The following ARHGEF9 variants were observed in gnomAD, a reference collection of about 807,000 sequenced individuals.
ARHGEF9 encodes Cdc42 guanine nucleotide exchange factor 9.
ARHGEF9 carries 2 observed loss-of-function variants against 41.3 expected under a neutral mutation model. That is an observed-to-expected ratio of 0.05 (90% CI 0.02 to 0.15). The LOEUF is 0.15. Among genes scored for constraint, ARHGEF9 ranks in the 10% least tolerant of loss-of-function variants. The pLI is 1.00. For missense variants in ARHGEF9, 225 were observed against 424.7 expected, an observed-to-expected ratio of 0.53 and a Z score of 4.13; for synonymous variants, 160 against 154.4, an observed-to-expected ratio of 1.04 and a Z score of -0.27.
Position 63,637,244 on chromosome X carries a change from C to T in ARHGEF9, c.*784G>A. 3.4e-6 allele frequency: 1 copy of T among 297,628 alleles called. No homozygotes were observed. The highest frequency in any genetic ancestry group is 5.9e-6 in the Non-Finnish European group (1 of 170,377). 24.5% of individuals were successfully genotyped at this position (297,628 alleles called of 1,213,427 possible). A position where few individuals can be genotyped will look rare whatever the true frequency, so the allele number is the denominator to read the frequency against. ...AAAATGTTCCCTGAACAGAAGTCCA[C>T]TCCAGCATCATCATAGTCTGATACT... On this transcript the variant is annotated 3_prime_UTR_variant, in exon 10 of 10. Transcript: ENST00000671741.
intron 1 of ARHGEF9, among the ~76,000 whole-genome samples, chrX:63,764,224 A>G (rs781872719): frequency 8.9e-6 from 1 of 112,935 alleles, no homozygotes; most frequent in East Asian, 2.8e-4. Context: ...AAAAAGCTCA[A>G]CAATACTGAT....
rs781963567 is a variant in ARHGEF9 at position 63,645,677 on chromosome X, C to T, written c.1322-1629G>A. ...AAGTCTTTGCTATTGTGAATAGTGC[C>T]GCAATAAACATACGTGTGCATGTGT... On this transcript the variant is annotated intron_variant, in intron 8 of 9. Coordinates refer to ENST00000671741, the MANE Select transcript of ARHGEF9 (RefSeq NM_001353921.2). Among the ~76,000 whole-genome samples the T allele has an allele frequency of 2.3e-3, 256 of 111,520 alleles. 1 individual carries two copies. Among genetic ancestry groups the T allele is most frequent in the African/African-American group, 7.8e-3 (240 of 30,687 alleles).
At chrX:63,700,644 G>T (rs782379964) in intron 3 of ARHGEF9, among the ~76,000 whole-genome samples, 26 of 111,579 alleles carry the variant, frequency 2.3e-4, no homozygotes, top group Non-Finnish European at 3.8e-4. Context: ...TCTTTTCAGA[G>T]GAACACCAAG....
intron 1 of ARHGEF9, among the ~76,000 whole-genome samples, chrX:63,762,544 A>G (rs191222500): frequency 3.6e-5 from 4 of 111,226 alleles, no homozygotes; most frequent in Non-Finnish European, 7.5e-5. Flanking sequence ...AAAGAAGAGA[A>G]GAGTGCAGGA....
chrX:63,717,723 T>C (rs1602542717), intron 2 of ARHGEF9, among the ~76,000 whole-genome samples: 1 of 112,119 alleles, frequency 8.9e-6, no homozygotes, highest in Non-Finnish European at 1.9e-5. Flanking sequence ...TTATTGAGTG[T>C]TTCCTATGTG....
intron 1 of ARHGEF9, among the ~76,000 whole-genome samples, chrX:63,783,129 A>G (rs1348981309): frequency 3.6e-5 from 4 of 111,826 alleles, no homozygotes; most frequent in Admixed American, 1.9e-4. Context: ...CAAAACTTCA[A>G]ATTTCTTCAT....
intron 1 of ARHGEF9, among the ~76,000 whole-genome samples, chrX:63,749,040 T>A (rs1569502496): frequency 8.9e-6 from 1 of 112,320 alleles, no homozygotes; most frequent in African/African-American, 3.2e-5. Flanking sequence ...ACCTTGAAGA[T>A]CCCAAATAGT....
At chrX:63,644,728 ATATTGGAAGGAATCGCCTTC>A (rs2047882678) in intron 8 of ARHGEF9, among the ~76,000 whole-genome samples, 1 of 109,048 alleles carries the variant, frequency 9.2e-6, no homozygotes, top group Non-Finnish European at 1.9e-5. Flanking sequence ...CTAATCTGAA[ATATTGGAAGGAATCGCCTTC>A]TATTATTATT....
At position 63,636,719 on chromosome X, in the gene ARHGEF9, T is replaced by C. The variant is rs1446536406; in HGVS notation, c.*1309A>G. 2 of 290,645 alleles carry C rather than the reference T, an allele frequency of 6.9e-6. No homozygotes were observed. The highest frequency in any genetic ancestry group is 5.5e-5 in the African/African-American group (2 of 36,170). The allele number at this position is 290,645 out of a possible 1,213,427, so 24.0% of individuals were successfully genotyped here. On this transcript the variant is annotated 3_prime_UTR_variant, in exon 10 of 10. Coordinates refer to ENST00000671741, the MANE Select transcript of ARHGEF9 (RefSeq NM_001353921.2). ...AACAATGGGAGAAGTCTCACACAAT[T>C]TTAGGGTGGTAGAAAATGCAGGTAC...
intron 1 of ARHGEF9, among the ~76,000 whole-genome samples, chrX:63,751,475 C>A (rs1479650130): frequency 1.8e-5 from 2 of 111,958 alleles, no homozygotes; most frequent in Non-Finnish European, 3.8e-5. Context: ...CTTTAGGATT[C>A]ACACAAGTAA....
chrX:63,764,263 AT>A (rs1238867044), intron 1 of ARHGEF9, among the ~76,000 whole-genome samples: 1 of 112,768 alleles, frequency 8.9e-6, no homozygotes, highest in Non-Finnish European at 1.9e-5. Flanking sequence ...CAAAACCACA[AT>A]GACATACCAT....
At chrX:63,718,763 T>C (rs1169605959) in intron 2 of ARHGEF9, among the ~76,000 whole-genome samples, 1 of 112,127 alleles carries the variant, frequency 8.9e-6, no homozygotes, top group East Asian at 2.8e-4. Flanking sequence ...TAGTTCAAGC[T>C]TGGTTTACAG....
intron 1 of ARHGEF9, among the ~76,000 whole-genome samples, chrX:63,750,378 G>A (rs1428203183): frequency 1.3e-4 from 14 of 111,453 alleles, no homozygotes; most frequent in African/African-American, 4.3e-4. Flanking sequence ...ACCGGTGGGT[G>A]AGAGTCTCTG....
chrX:63,774,724 G>C (rs1197756478), intron 1 of ARHGEF9, among the ~76,000 whole-genome samples: 12 of 111,596 alleles, frequency 1.1e-4, no homozygotes, highest in African/African-American at 3.6e-4. Context: ...AAAAACCCTA[G>C]AAGATAACAT....
Position 63,636,431 on chromosome X carries a change from G to T in ARHGEF9, c.*1597C>A, listed in dbSNP as rs2147107483. ...TGTGAAAGAAGTTAGATTTTCCCAA[G>T]CAAAAAGCTGGCCAAAAGCGAGCCT... On this transcript the variant is annotated 3_prime_UTR_variant, in exon 10 of 10. Transcript: ENST00000671741. The T allele has an allele frequency of 1.8e-5, 2 of 114,082 alleles. No individual in the cohort carries two copies. Among genetic ancestry groups the T allele is most frequent in the South Asian group, 7.5e-4 (2 of 2,673 alleles). The allele number at this position is 114,082 out of a possible 1,213,427, so 9.4% of individuals were successfully genotyped here. A position where few individuals can be genotyped will look rare whatever the true frequency, so the allele number is the denominator to read the frequency against.
chrX:63,760,976 T>A (rs781854449), intron 1 of ARHGEF9, among the ~76,000 whole-genome samples: 4 of 111,522 alleles, frequency 3.6e-5, no homozygotes, highest in Non-Finnish European at 7.5e-5. Flanking sequence ...ATTATCATAA[T>A]CTATTGAACT....
rs782765210 is a variant in ARHGEF9, at chrX:63,706,389, G to T, written c.271C>A (p.Leu91Met). 1 of 1,207,302 alleles carries T rather than the reference G, an allele frequency of 8.3e-7. No homozygotes were observed. Among genetic ancestry groups the T allele is most frequent in the Non-Finnish European group, 1.1e-6 (1 of 893,557 alleles). ...EGPSDVQNGH[L>M]DPNSDCLCLG... is the part of the protein sequence containing the mutation. ...CAGAGGCAGTCTGAATTGGGGTCCA[G>T]GTGTCCGTTCTGCACATCGCTGGGC... Residue 91 changes from leucine (L) to methionine (M), a missense_variant, in exon 3 of 10, where the codon CTG (leucine) becomes ATG (methionine). Physicochemically the swap from Leu to Met is conservative, Grantham distance 15. Transcript: ENST00000671741.
rs143251832 is a variant in ARHGEF9, at chrX:63,661,062, G to A, written c.1077+4824C>T. Among the ~76,000 whole-genome samples the A allele has an allele frequency of 8.0e-5, 9 of 112,008 alleles. No homozygotes were observed. In the East Asian group the frequency reaches 2.0e-3, roughly 24 times the overall value. On this transcript the variant is annotated intron_variant, in intron 7 of 9. Transcript: ENST00000671741. ...AAATAAGGACAAAGTTAAAGAACTG[G>A]CCAATGGTTAGAAAAGTTAGTTAAG...
chrX:63,724,753 C>A, intron 1 of ARHGEF9, 42 bp from the exon 2 acceptor site: 1 of 1,157,710 alleles, frequency 8.6e-7, no homozygotes. Context: ...CACACAGCTA[C>A]CTTGCTTGCC....
Sources: allele counts gnomAD v4.1 joint callset (sites outside exome capture counted in the v4.1 genomes callset), GRCh38; gene constraint gnomAD v4.1.1; transcripts MANE v1.5; gene names NCBI Gene and HGNC (gene_info 2026-07-23, HGNC 2026-07-21).